Variants in DOCK3 observed in about 807,000 individuals in gnomAD.
DOCK3 encodes dedicator of cytokinesis 3.
In DOCK3, 60 loss-of-function variants were observed where a neutral mutation model predicts 265.6. The ratio of observed to expected loss-of-function variants is 0.23; its 90% CI spans 0.18 to 0.28. The LOEUF (loss-of-function observed/expected upper bound fraction) is 0.28, where lower values mean the gene tolerates loss of function less well. DOCK3 is among the 10% of genes least tolerant of loss of function. The probability of loss-of-function intolerance (pLI) is 1.00; values close to 1 mark genes in which losing one functional copy is unlikely to be tolerated. For synonymous variants in DOCK3, 881 were observed against 938.0 expected, an observed-to-expected ratio of 0.94 and a Z score of 1.11; for missense variants, 1,981 against 2,594.3, an observed-to-expected ratio of 0.76 and a Z score of 5.14.
At chr3:51,311,740 C>T (rs1254837381) in intron 28 of DOCK3, among the ~76,000 whole-genome samples, 1 of 152,166 alleles carries the variant, frequency 6.6e-6, no homozygotes, top group Non-Finnish European at 1.5e-5. Context: ...AGTATGAAGG[C>T]CAGGTAATGA....
intron 22 of DOCK3, among the ~76,000 whole-genome samples, chr3:51,255,359 C>T (rs905200432): frequency 6.6e-6 from 1 of 152,118 alleles, no homozygotes; most frequent in Non-Finnish European, 1.5e-5. Flanking sequence ...AGTTGCTTTA[C>T]TCGAGGAGTA....
chr3:51,151,945 A>G (rs1463508042), intron 10 of DOCK3, among the ~76,000 whole-genome samples: 1 of 151,924 alleles, frequency 6.6e-6, no homozygotes. Flanking sequence ...CTTCATTTCA[A>G]CTTTGGTGAA....
chr3:50,841,685 A>C lies in DOCK3; in HGVS notation c.132A>C (p.Arg44Ser). 1 of 1,274,556 alleles carries C rather than the reference A, an allele frequency of 7.8e-7. No homozygotes were observed. The highest frequency in any genetic ancestry group is 1.0e-6 in the Non-Finnish European group (1 of 980,286). 79.0% of individuals were successfully genotyped at this position (1,274,556 alleles called of 1,614,324 possible). A position where few individuals can be genotyped will look rare whatever the true frequency, so the allele number is the denominator to read the frequency against. The change falls in exon 3 of 53, where the codon AGA becomes AGC. Residue 44 changes from arginine (R) to serine (S), a missense_variant. Coordinates refer to ENST00000266037, the MANE Select transcript of DOCK3 (RefSeq NM_004947.5). ...TATGCTTTGTTTTAGGTTGGTACAG[A>C]GGAGTTTCAACAAAGAAGCCAAATG... ...QILEKCEGWYRGVSTKKPNVK... is the reference protein window; with the variant it reads ...QILEKCEGWYSGVSTKKPNVK...
chr3:51,024,291 T>C (rs540331919), intron 5 of DOCK3, among the ~76,000 whole-genome samples: 1 of 152,320 alleles, frequency 6.6e-6, no homozygotes, highest in East Asian at 1.9e-4. Flanking sequence ...CATTCTCTCA[T>C]GGTGTATGGT....
At chr3:50,959,243 C>T (rs1182462386) in intron 5 of DOCK3, among the ~76,000 whole-genome samples, 2 of 151,908 alleles carry the variant, frequency 1.3e-5, no homozygotes, top group African/African-American at 4.8e-5. Context: ...TATAAAGTGT[C>T]CAGCATGATG....
intron 3 of DOCK3, among the ~76,000 whole-genome samples, chr3:50,879,911 T>C (rs1026234799): frequency 2.0e-5 from 3 of 152,078 alleles, no homozygotes; most frequent in Non-Finnish European, 2.9e-5. Flanking sequence ...TGTAAAAGAA[T>C]AGAAATTATA....
At chr3:51,156,292 C>G (rs1158160188) in intron 10 of DOCK3, among the ~76,000 whole-genome samples, 2 of 152,180 alleles carry the variant, frequency 1.3e-5, no homozygotes, top group Non-Finnish European at 2.9e-5. Context: ...CCTCAATTGT[C>G]TCTTCTACAC....
intron 3 of DOCK3, among the ~76,000 whole-genome samples, chr3:50,876,312 TTAAG>T (rs1329810783): frequency 2.0e-5 from 3 of 152,168 alleles, no homozygotes; most frequent in Non-Finnish European, 2.9e-5. Flanking sequence ...TCTTCCATAC[TTAAG>T]TATCTTTCTT....
chr3:50,709,671 C>T (rs1398225277), intron 1 of DOCK3, among the ~76,000 whole-genome samples: 1 of 152,082 alleles, frequency 6.6e-6, no homozygotes, highest in Non-Finnish European at 1.5e-5. Context: ...ACTAAAAATA[C>T]AAAAACTAGC....
At chr3:51,025,266 A>G (rs2079765702) in intron 5 of DOCK3, among the ~76,000 whole-genome samples, 1 of 152,112 alleles carries the variant, frequency 6.6e-6, no homozygotes, top group Admixed American at 6.5e-5. Context: ...TGAGAGACCA[A>G]GGTGGTTCTC....
Position 51,089,270 on chromosome 3 carries a change from C to G in DOCK3, c.577C>G (p.Gln193Glu). The G allele has an allele frequency of 6.2e-7, 1 of 1,609,934 alleles. No individual in the cohort carries two copies. The highest frequency in any genetic ancestry group is 8.5e-7 in the Non-Finnish European group (1 of 1,178,060). ...TTTATCTAGCCGGCAGAGTGTACAG[C>G]AAAGCACATCCCAGGTAAGCGGCTT... is the stretch of plus-strand genomic sequence containing the variant. ...MHLSSRQSVQ[Q>E]STSQVDTMRP... Residue 193 changes from glutamine to glutamate, a missense_variant, in exon 8 of 53, where the codon CAA becomes GAA. Around this residue, in one of 4 missense-constraint regions of DOCK3, gnomAD observed 456 missense variants for 539.0 expected, o/e 0.85. Coordinates refer to ENST00000266037, the MANE Select transcript of DOCK3 (RefSeq NM_004947.5).
At chr3:50,733,941 C>T (rs1559566623) in intron 1 of DOCK3, among the ~76,000 whole-genome samples, 1 of 152,068 alleles carries the variant, frequency 6.6e-6, no homozygotes, top group Non-Finnish European at 1.5e-5. Flanking sequence ...GTTGTAACAG[C>T]TGTTTATAGG....
chr3:50,708,813 C>T lies in DOCK3; in HGVS notation c.37+33513C>T, dbSNP rs538233033. ...TGGCTGGCTGCCTTGTTTTCCTCTC[C>T]TTTTATGCCTCAGAGCTTTCTTGTC... On this transcript the variant is annotated intron_variant, in intron 1 of 52. Transcript: ENST00000266037. 3.3e-5 allele frequency among the ~76,000 whole-genome samples: 5 copies of T among 152,284 alleles called. No individual in the cohort carries two copies. The South Asian group carries it at 1.0e-3, about 32-fold the overall frequency.
chr3:50,911,037 T>C (rs1011009278), intron 4 of DOCK3, among the ~76,000 whole-genome samples: 1 of 151,964 alleles, frequency 6.6e-6, no homozygotes, highest in African/African-American at 2.4e-5. Context: ...TGGAATTGAG[T>C]TCATTATATA....
intron 2 of DOCK3, among the ~76,000 whole-genome samples, chr3:50,838,291 A>T (rs1229153110): frequency 2.0e-5 from 3 of 152,344 alleles, no homozygotes; most frequent in African/African-American, 7.2e-5. Flanking sequence ...GAATTCAGTT[A>T]TATTTTTCTG....
chr3:51,194,609 G>C (rs1319391657), intron 12 of DOCK3, among the ~76,000 whole-genome samples: 1 of 151,828 alleles, frequency 6.6e-6, no homozygotes, highest in Non-Finnish European at 1.5e-5. Context: ...TATATATTTA[G>C]AATTTTTTAT....
intron 2 of DOCK3, among the ~76,000 whole-genome samples, chr3:50,782,289 ATT>A (rs71084112): frequency 3.6e-5 from 4 of 110,022 alleles, no homozygotes; most frequent in South Asian, 2.8e-4. Flanking sequence ...AGTACCTGTT[ATT>A]TTTTTTTTTT....
chr3:50,907,580 G>T (rs1335402366), intron 4 of DOCK3, among the ~76,000 whole-genome samples: 4 of 152,044 alleles, frequency 2.6e-5, no homozygotes, highest in East Asian at 1.9e-4. Context: ...TGCAACCCCT[G>T]CCTTTTTTTG....
At chr3:51,348,824 T>C (rs1290011160) in intron 38 of DOCK3, 28 bp from the exon 39 acceptor site, 2 of 1,554,588 alleles carry the variant, frequency 1.3e-6, no homozygotes, top group African/African-American at 2.7e-5. Context: ...GATGAGATGC[T>C]GAAGCCCTGT....
Sources: allele counts gnomAD v4.1 joint callset (sites outside exome capture counted in the v4.1 genomes callset), GRCh38; gene constraint gnomAD v4.1.1; regional missense constraint gnomAD v4.1.1; transcripts MANE v1.5; gene names NCBI Gene and HGNC (gene_info 2026-07-23, HGNC 2026-07-21).